CHAT: variants seen among roughly 807,000 people sequenced by gnomAD.
CHAT encodes choline O-acetyltransferase, also known as acetyl CoA:choline O-acetyltransferase.
A neutral mutation model predicts 76.9 loss-of-function variants in CHAT; 61 were observed. That is an observed-to-expected ratio of 0.79 (90% CI 0.65 to 0.98). CHAT has a LOEUF of 0.98. Among genes scored for constraint, CHAT ranks in the 50% least tolerant of loss-of-function variants. The pLI is 0.00. For missense variants in CHAT, 946 were observed against 986.9 expected (o/e 0.96, Z 0.56); for synonymous variants, 407 against 397.4 (o/e 1.02, Z -0.29).
intron 7 of CHAT, among the ~76,000 whole-genome samples, chr10:49,641,643 G>A (rs1036041239): frequency 6.6e-6 from 1 of 152,138 alleles, no homozygotes; most frequent in African/African-American, 2.4e-5. Context: ...AAAGAAAAAA[G>A]TACTCCTTCA....
chr10:49,644,571 A>T (rs1361606247), intron 7 of CHAT, among the ~76,000 whole-genome samples: 1 of 152,160 alleles, frequency 6.6e-6, no homozygotes, highest in South Asian at 2.1e-4. Flanking sequence ...CCTCATAGGG[A>T]CGAGGAGGGG....
intron 6 of CHAT, 65 bp downstream of exon 6, chr10:49,625,718 A>G (rs917119197): frequency 6.7e-7 from 1 of 1,482,608 alleles, no homozygotes; most frequent in African/African-American, 1.4e-5. Context: ...GTTCACGTCC[A>G]TTACCTTCTC....
At chr10:49,622,211 G>T (rs1409691414) in intron 5 of CHAT, 61 bp downstream of exon 5, 4 of 1,539,620 alleles carry the variant, frequency 2.6e-6, no homozygotes, top group African/African-American at 1.4e-5. Context: ...TATCTCCCTT[G>T]CAGGGACCTT....
chr10:49,628,727 G>A (rs1839010350), intron 7 of CHAT, among the ~76,000 whole-genome samples: 1 of 152,258 alleles, frequency 6.6e-6, no homozygotes, highest in African/African-American at 2.4e-5. Context: ...TGTTAGAAGA[G>A]GTGGGAATGG....
At position 49,655,206 on chromosome 10, in the gene CHAT, A is replaced by T; in HGVS notation, c.1746A>T (p.Arg582Ser). 6.2e-7 allele frequency: 1 copy of T among 1,614,028 alleles called. No individual in the cohort carries two copies. The highest frequency in any genetic ancestry group is 1.1e-5 in the South Asian group (1 of 91,090). ...CTCCAGAGGCACTGGCTTTTGTGAG[A>T]GCCGTGACTGACCACAAGGCTGCTG... ...SATPEALAFV[R>S]AVTDHKAAVP... is the part of the protein sequence containing the mutation. Residue 582 changes from arginine to serine, a missense_variant, in exon 12 of 15, where the codon AGA (arginine) becomes AGT (serine). Physicochemically the swap from Arg to Ser is moderately radical, Grantham distance 110 (BLOSUM62 -1). Coordinates refer to ENST00000337653, the MANE Select transcript of CHAT (RefSeq NM_020549.5).
upstream of CHAT, among the ~76,000 whole-genome samples, chr10:49,609,496 G>A (rs1231539798): frequency 6.6e-6 from 1 of 152,032 alleles, no homozygotes. Flanking sequence ...CGGAGCTGGG[G>A]GACCAGACCG....
chr10:49,612,283 C>T, upstream of CHAT: 1 of 1,612,048 alleles, frequency 6.2e-7, no homozygotes. Flanking sequence ...TCGCAGCCCG[C>T]CTGGCCCTTT....
At chr10:49,664,651 T>C in intron 14 of CHAT, 126 bp from the exon 15 acceptor site, 1 of 1,182,338 alleles carries the variant, frequency 8.5e-7, no homozygotes, top group South Asian at 1.2e-5. Context: ...CCATCCATGC[T>C]AAAGCAATCA....
intron 13 of CHAT, 90 bp from the exon 14 acceptor site, chr10:49,662,555 C>T (rs1590628235): frequency 1.9e-6 from 3 of 1,549,888 alleles, no homozygotes; most frequent in Middle Eastern, 2.1e-4. Context: ...CTGCTGGAGT[C>T]ACCAGCAGTC....
In CHAT at chr10:49,620,560, C is replaced by T; in HGVS notation, c.645C>T (p.Ser215=). The T allele has an allele frequency of 6.2e-7, 1 of 1,613,900 alleles. No homozygotes were observed. The highest frequency in any genetic ancestry group is 2.2e-5 in the East Asian group (1 of 44,852). The change falls in exon 4 of 15, where the codon AGC becomes AGT. Residue 215 remains serine, a synonymous_variant. Coordinates refer to ENST00000337653, the MANE Select transcript of CHAT (RefSeq NM_020549.5). ...NNRLALPVNS[S]PAVIFARQHF... ...GCCTGGCCCTGCCTGTCAACTCCAGCCCTGCCGTGATCTTTGCTCGGCAGC... is the reference window on the plus strand; with the variant it reads ...GCCTGGCCCTGCCTGTCAACTCCAGTCCTGCCGTGATCTTTGCTCGGCAGC...
chr10:49,652,453 G>C (rs1839910215), intron 11 of CHAT, among the ~76,000 whole-genome samples: 1 of 152,152 alleles, frequency 6.6e-6, no homozygotes, highest in Non-Finnish European at 1.5e-5. Context: ...ACTCATCCTT[G>C]ATTCTGCCCT....
intron 7 of CHAT, 82 bp from the exon 8 acceptor site, chr10:49,646,422 GC>G (rs1564487617): frequency 6.5e-7 from 1 of 1,540,004 alleles, no homozygotes; most frequent in Admixed American, 1.7e-5. Context: ...AGACAGGGCT[GC>G]CCTGCCCTGT....
chr10:49,620,389 G>A (rs1022846458), intron 3 of CHAT, 106 bp from the exon 4 acceptor site: 14 of 822,536 alleles, frequency 1.7e-5, no homozygotes, highest in African/African-American at 3.3e-5. Context: ...TATATTTGTG[G>A]AATGAATGAA....
At chr10:49,621,983 G>T in intron 4 of CHAT, 114 bp from the exon 5 acceptor site, 4 of 1,187,702 alleles carry the variant, frequency 3.4e-6, no homozygotes, top group Non-Finnish European at 3.7e-6. Flanking sequence ...AGAAGGGAGG[G>T]AAGAGGAAGG....
chr10:49,626,646 G>A (rs1045291068), intron 6 of CHAT, among the ~76,000 whole-genome samples: 2 of 152,166 alleles, frequency 1.3e-5, no homozygotes. Flanking sequence ...GTATTTCCCA[G>A]CTCCCACAGG....
intron 11 of CHAT, among the ~76,000 whole-genome samples, chr10:49,652,238 G>A (rs376263222): frequency 2.0e-5 from 3 of 152,256 alleles, no homozygotes; most frequent in South Asian, 2.1e-4. Context: ...ACAGGGGCAC[G>A]GAGCTCCAAA....
intron 10 of CHAT, among the ~76,000 whole-genome samples, chr10:49,650,686 A>G (rs1839848846): frequency 6.6e-6 from 1 of 152,078 alleles, no homozygotes; most frequent in Non-Finnish European, 1.5e-5. Flanking sequence ...GGTTCTGTGC[A>G]GGGGGTATGG....
At chr10:49,611,018 A>G, upstream of CHAT, 1 of 1,613,822 alleles carries the variant, frequency 6.2e-7, no homozygotes, top group Non-Finnish European at 8.5e-7. Context: ...GCCAGCGCCT[A>G]CACGGCCAAC....
chr10:49,646,498 C>G lies in CHAT; in HGVS notation c.1112-7C>G, dbSNP rs763186061. The G allele has an allele frequency of 6.2e-7, 1 of 1,614,158 alleles. No individual in the cohort carries two copies. The highest frequency in any genetic ancestry group is 1.7e-5 in the Admixed American group (1 of 60,030). On this transcript the variant is annotated splice_region_variant and splice_polypyrimidine_tract_variant and intron_variant, in intron 7 of 14. Transcript: ENST00000337653. ...AGGTGCTAGGGCTGTGCCTGCCTCC[C>G]CTGCAGACTCCACCAACCGGGACTC...
Sources: gnomAD v4.1 joint callset for allele counts (sites outside exome capture counted in the v4.1 genomes callset) on GRCh38, gnomAD v4.1.1 for gene constraint, MANE v1.5 for transcripts, NCBI Gene and HGNC (gene_info 2026-07-23, HGNC 2026-07-21) for gene names.